The following WDR83 variants were observed in gnomAD, a reference collection of about 807,000 sequenced individuals.
WDR83 encodes the protein WD repeat domain-containing protein 83.
In WDR83, 37 loss-of-function variants were observed where a neutral mutation model predicts 37.7. The ratio of observed to expected loss-of-function variants is 0.98; its 90% CI spans 0.76 to 1.29. The LOEUF is 1.29. WDR83 is among the 50% of genes most tolerant of loss of function. The probability of loss-of-function intolerance (pLI) is 0.00; values close to 1 mark genes in which losing one functional copy is unlikely to be tolerated. For synonymous variants in WDR83, 174 were observed against 181.1 expected (o/e 0.96, Z 0.31); for missense variants, 445 against 414.4 (o/e 1.07, Z -0.64).
At position 12,669,863 on chromosome 19, in the gene WDR83, C is replaced by T. The variant is rs567411598; in HGVS notation, c.73C>T (p.Gln25Ter). 1 of 1,611,700 alleles carries T rather than the reference C, an allele frequency of 6.2e-7. No individual in the cohort carries two copies. Among genetic ancestry groups the T allele is most frequent in the South Asian group, 1.1e-5 (1 of 90,836 alleles). ...QKRLKTLDCGQGAVRAVRFNV... is the reference protein window; with the variant it reads ...QKRLKTLDCG ...ACGGTTGAAGACGCTGGACTGCGGG[C>T]AGGGGGCAGTGCGAGCCGTACGATT... The change falls in exon 3 of 11, where the codon CAG becomes TAG. Residue 25 changes from glutamine (Q) to a stop codon, truncating the protein, a stop_gained. Transcript: ENST00000418543. LOFTEE classifies it high-confidence loss of function.
At chr19:12,668,401 C>T in intron 1 of WDR83, 107 bp from the exon 2 acceptor site, 2 of 1,613,664 alleles carry the variant, frequency 1.2e-6, no homozygotes, top group Non-Finnish European at 1.7e-6. Context: ...GCAGATAGGA[C>T]ATCACCACGG....
intron 6 of WDR83, 25 bp downstream of exon 6, chr19:12,670,636 G>T (rs1209156637): frequency 1.9e-6 from 3 of 1,614,196 alleles, no homozygotes; most frequent in Non-Finnish European, 2.5e-6. Flanking sequence ...TAAGCACGGG[G>T]GCCCAGGGTG....
intron 8 of WDR83, 33 bp from the exon 9 acceptor site, chr19:12,672,975 C>T: frequency 1.2e-6 from 2 of 1,600,652 alleles, no homozygotes; most frequent in South Asian, 2.2e-5. Context: ...AGGGGCACCC[C>T]ACCCTCACTC....
At chr19:12,674,215 T>C (rs2024504842) in intron 10 of WDR83, among the ~76,000 whole-genome samples, 2 of 152,148 alleles carry the variant, frequency 1.3e-5, no homozygotes, top group South Asian at 4.1e-4. Context: ...TGTCTAACCT[T>C]GGGTGAGATA....
chr19:12,671,843 G>C (rs916523537), intron 7 of WDR83, among the ~76,000 whole-genome samples: 5 of 151,848 alleles, frequency 3.3e-5, no homozygotes, highest in African/African-American at 1.2e-4. Flanking sequence ...GACTACAGTC[G>C]CGTGCCACCA....
chr19:12,671,488 T>C (rs2024415684), intron 7 of WDR83: 1 of 151,696 alleles, frequency 6.6e-6, no homozygotes, highest in African/African-American at 2.4e-5. Context: ...CCGTCTCTAC[T>C]AAAAATACAA....
intron 7 of WDR83, among the ~76,000 whole-genome samples, chr19:12,671,746 G>C (rs1030162182): frequency 3.3e-5 from 5 of 152,332 alleles, no homozygotes; most frequent in African/African-American, 1.2e-4. Context: ...TTGCCAGGCT[G>C]GAGTGCAGTG....
rs146270198 is a variant in WDR83, at chr19:12,670,055, G to A, written c.182G>A (p.Arg61Gln). The change falls in exon 4 of 11, where the codon CGG (arginine) becomes CAG (glutamine). Residue 61 changes from arginine to glutamine, a missense_variant. Transcript: ENST00000418543. ...LWNPLRGTLL[R>Q]TYSGHGYEVL... ...AACCCGCTTCGGGGGACGCTGCTGC[G>A]GACGTACAGCGGCCACGGCTACGAG... 6.2e-7 allele frequency: 1 copy of A among 1,612,910 alleles called. No individual in the cohort carries two copies. The highest frequency in any genetic ancestry group is 8.5e-7 in the Non-Finnish European group (1 of 1,179,210).
chr19:12,670,499 G>C, intron 5 of WDR83, 64 bp from the exon 6 acceptor site: 1 of 1,612,870 alleles, frequency 6.2e-7, no homozygotes, highest in South Asian at 1.1e-5. Flanking sequence ...CCGACACTGG[G>C]AACCCTGCCT....
chr19:12,670,834 A>G lies in WDR83; in HGVS notation c.506+13A>G. On this transcript the variant is annotated intron_variant, in intron 7 of 10. Transcript: ENST00000418543. The stretch of plus-strand genomic sequence containing the variant: ...AGATCCTGGCAGGGTGAGTGGAGCC[A>G]GGACCTGGTCTCACCCCAGGTGCTA... 1 of 1,610,002 alleles carries G rather than the reference A, an allele frequency of 6.2e-7. No homozygotes were observed. The highest frequency in any genetic ancestry group is 8.5e-7 in the Non-Finnish European group (1 of 1,178,414).
intron 10 of WDR83, among the ~76,000 whole-genome samples, chr19:12,675,318 C>G (rs1384949468): frequency 2.0e-5 from 3 of 152,134 alleles, no homozygotes; most frequent in Admixed American, 6.6e-5. Context: ...GGCCTGAACA[C>G]CTGGTAGGAC....
Position 12,669,900 on chromosome 19 carries a change from G to T in WDR83, c.103+7G>T. ...CGAGCCGTACGATTTAATGGTGAGC[G>T]CCTTCGTCTTCATTCCGGGTCCTCC... On this transcript the variant is annotated splice_region_variant and intron_variant, in intron 3 of 10. Coordinates refer to ENST00000418543, the MANE Select transcript of WDR83 (RefSeq NM_001099737.3). 6 of 1,603,182 alleles carry T rather than the reference G, an allele frequency of 3.7e-6. No homozygotes were observed. The highest frequency in any genetic ancestry group is 5.1e-6 in the Non-Finnish European group (6 of 1,171,962).
chr19:12,668,088 T>G, intron 1 of WDR83: 1 of 411,776 alleles, frequency 2.4e-6, no homozygotes, highest in Non-Finnish European at 4.5e-6. Flanking sequence ...TGAAAAACTT[T>G]ATTAACAACA....
intron 10 of WDR83, among the ~76,000 whole-genome samples, chr19:12,674,011 G>A (rs2024496728): frequency 6.6e-6 from 1 of 152,134 alleles, no homozygotes; most frequent in Non-Finnish European, 1.5e-5. Context: ...GGGCTAGAGA[G>A]AAGATGAGGC....
rs768418429 is a variant in WDR83, at chr19:12,670,226, G to C, written c.271G>C (p.Val91Leu). 3.1e-6 allele frequency: 5 copies of C among 1,614,074 alleles called. No homozygotes were observed. In the African/African-American group the frequency reaches 6.7e-5, roughly 22 times the overall value. ...CTGCTCCGGCGGCGGGGACAAGGCG[G>C]TGGTTCTGTGGGATGTGGCATCAGG... Reference protein sequence around the residue: ...SLCSGGGDKAVVLWDVASGQV... With the variant: ...SLCSGGGDKALVLWDVASGQV... The change falls in exon 5 of 11, where the codon GTG becomes CTG. Residue 91 changes from valine (V) to leucine (L), a missense_variant. Coordinates refer to ENST00000418543, the MANE Select transcript of WDR83 (RefSeq NM_001099737.3).
At chr19:12,671,864 A>G (rs926010376) in intron 7 of WDR83, among the ~76,000 whole-genome samples, 8 of 151,814 alleles carry the variant, frequency 5.3e-5, no homozygotes, top group Non-Finnish European at 1.0e-4. Flanking sequence ...CGCCCAGCTA[A>G]TTTTTGTATT....
At chr19:12,670,131 G>T in intron 4 of WDR83, 34 bp downstream of exon 4, 1 of 1,606,878 alleles carries the variant, frequency 6.2e-7, no homozygotes, top group East Asian at 2.2e-5. Context: ...TGGGAGCGCT[G>T]AGGCTGGGAT....
Position 12,672,828 on chromosome 19 carries a change from G to T in WDR83, c.507-19G>T, listed in dbSNP as rs1443805203. 2 of 1,568,000 alleles carry T rather than the reference G, an allele frequency of 1.3e-6. No homozygotes were observed. The highest frequency in any genetic ancestry group is 4.7e-5 in the East Asian group (2 of 42,446). On this transcript the variant is annotated intron_variant, in intron 7 of 10. Coordinates refer to ENST00000418543, the MANE Select transcript of WDR83 (RefSeq NM_001099737.3). ...GTGAGTGTAGTCAAGGTTCCCGCTG[G>T]ATCTACCCTCTCCTGCAGCTCCGTG... is the stretch of plus-strand genomic sequence containing the variant.
At chr19:12,675,417 G>A in intron 10 of WDR83, 106 bp from the exon 11 acceptor site, 2 of 1,479,122 alleles carry the variant, frequency 1.4e-6, no homozygotes, top group African/African-American at 1.4e-5. Context: ...TCGGGGAGAG[G>A]TGACTGAGGG....
Sources: gnomAD v4.1 joint callset for allele counts (sites outside exome capture counted in the v4.1 genomes callset) on GRCh38, gnomAD v4.1.1 for gene constraint, MANE v1.5 for transcripts, NCBI Gene and HGNC (gene_info 2026-07-23, HGNC 2026-07-21) for gene names.